Variants in PARM1 observed in about 807,000 individuals in gnomAD.
The protein encoded by PARM1 is prostate androgen-regulated mucin-like protein 1, also known as WSC4, cell wall integrity and stress response component 4 homolog.
Under a neutral mutation model 24.6 loss-of-function variants are expected in PARM1, and 14 were observed. The ratio of observed to expected loss-of-function variants is 0.57; its 90% CI spans 0.38 to 0.89. The LOEUF is 0.89. PARM1 is among the 40% of genes least tolerant of loss of function. The probability of loss-of-function intolerance (pLI) is 0.00; values close to 1 mark genes in which losing one functional copy is unlikely to be tolerated. For synonymous variants in PARM1, 179 were observed against 156.6 expected (o/e 1.14, Z -1.07); for missense variants, 362 against 380.4 (o/e 0.95, Z 0.40).
chr4:74,935,733 A>G (rs910427702), intron 1 of PARM1, among the ~76,000 whole-genome samples: 2 of 152,366 alleles, frequency 1.3e-5, no homozygotes, highest in East Asian at 3.9e-4. Flanking sequence ...CTCAAAGTAT[A>G]CATAGTATTT....
chr4:74,955,447 A>T (rs560101675), intron 1 of PARM1, among the ~76,000 whole-genome samples: 1 of 152,244 alleles, frequency 6.6e-6, no homozygotes, highest in Non-Finnish European at 1.5e-5. Flanking sequence ...AAAACACCTG[A>T]AATTGTATCA....
At chr4:75,009,855 G>C (rs1490336824) in intron 1 of PARM1, among the ~76,000 whole-genome samples, 1 of 152,166 alleles carries the variant, frequency 6.6e-6, no homozygotes, top group Non-Finnish European at 1.5e-5. Context: ...TCCAGTAGAA[G>C]AGACAATAAA....
At chr4:74,996,076 G>A (rs1471038917) in intron 1 of PARM1, among the ~76,000 whole-genome samples, 1 of 151,948 alleles carries the variant, frequency 6.6e-6, no homozygotes, top group African/African-American at 2.4e-5. Flanking sequence ...ATTCTTCCTG[G>A]ACTGACTCTT....
intron 3 of PARM1, among the ~76,000 whole-genome samples, chr4:75,045,682 T>C (rs1045192715): frequency 2.0e-5 from 3 of 152,164 alleles, no homozygotes; most frequent in African/African-American, 7.2e-5. Flanking sequence ...ATTTTGAGGA[T>C]CAAGTAAAAA....
chr4:75,032,461 C>CA (rs760354591), intron 2 of PARM1, among the ~76,000 whole-genome samples: 1 of 152,024 alleles, frequency 6.6e-6, no homozygotes, highest in South Asian at 2.1e-4. Flanking sequence ...TACCAGCAGA[C>CA]AAAAATAAAT....
rs148376145 is a variant in PARM1 at position 74,960,962 on chromosome 4, G to A, written c.43+27592G>A. 3.5e-3 allele frequency among the ~76,000 whole-genome samples: 531 copies of A among 150,372 alleles called. 5 individuals carry two copies. The highest frequency in any genetic ancestry group is 0.012 in the African/African-American group (507 of 40,878). On this transcript the variant is annotated intron_variant, in intron 1 of 3. Coordinates refer to ENST00000307428, the MANE Select transcript of PARM1 (RefSeq NM_015393.4). ...GGAGCTTGCAGTGAGCCAAGATTGC[G>A]CCACTGCACTCCAGCCTGGGTGACT...
At chr4:74,941,241 G>C (rs1721303574) in intron 1 of PARM1, among the ~76,000 whole-genome samples, 1 of 152,158 alleles carries the variant, frequency 6.6e-6, no homozygotes, top group African/African-American at 2.4e-5. Flanking sequence ...CCTTTTTGGA[G>C]ACCTATTCAG....
intron 1 of PARM1, among the ~76,000 whole-genome samples, chr4:74,961,780 G>A (rs981837830): frequency 6.6e-6 from 1 of 152,128 alleles, no homozygotes; most frequent in African/African-American, 2.4e-5. Flanking sequence ...ATCTGAGAAA[G>A]TATGTTACCA....
At chr4:75,042,826 T>C (rs575979166) in intron 3 of PARM1, among the ~76,000 whole-genome samples, 19 of 152,274 alleles carry the variant, frequency 1.2e-4, no homozygotes, top group Non-Finnish European at 2.1e-4. Context: ...TTAAGCTCGT[T>C]AATGTGGTAA....
At chr4:74,971,999 A>G (rs1000476288) in intron 1 of PARM1, among the ~76,000 whole-genome samples, 2 of 152,242 alleles carry the variant, frequency 1.3e-5, no homozygotes, top group East Asian at 1.9e-4. Flanking sequence ...TATTATTCAT[A>G]TGTAGCTCCT....
chr4:75,012,584 T>A lies in PARM1; in HGVS notation c.203T>A (p.Val68Asp). ...NGTHNNSVLP[V>D]TASAPTSLLP... ...ACTCACAACAACTCGGTGCTCCCAG[T>A]TACAGCATCAGCCCCAACATCTCTG... is the stretch of plus-strand genomic sequence containing the variant. The change falls in exon 2 of 4, where the codon GTT becomes GAT. Residue 68 changes from valine to aspartate, a missense_variant. Physicochemically the swap from Val to Asp is radical, Grantham distance 152. Transcript: ENST00000307428. The A allele has an allele frequency of 6.2e-7, 1 of 1,613,926 alleles. No homozygotes were observed. The highest frequency in any genetic ancestry group is 8.5e-7 in the Non-Finnish European group (1 of 1,179,864).
chr4:74,963,839 A>G (rs1039905494), intron 1 of PARM1, among the ~76,000 whole-genome samples: 5 of 152,222 alleles, frequency 3.3e-5, no homozygotes, highest in African/African-American at 1.2e-4. Context: ...AAAATTTACA[A>G]ATCTTTCTAC....
At chr4:74,978,497 C>T (rs1412584802) in intron 1 of PARM1, among the ~76,000 whole-genome samples, 1 of 152,050 alleles carries the variant, frequency 6.6e-6, no homozygotes, top group East Asian at 1.9e-4. Flanking sequence ...ATTTATACTC[C>T]CACACATAAT....
rs567883534 is a variant in PARM1, at chr4:75,049,317, A to G, written c.*3070A>G. 5.9e-5 allele frequency: 9 copies of G among 152,284 alleles called. No homozygotes were observed. The highest frequency in any genetic ancestry group is 2.2e-4 in the African/African-American group (9 of 41,546). The allele number at this position is 152,284 out of a possible 1,614,324, so 9.4% of individuals were successfully genotyped here. The stretch of plus-strand genomic sequence containing the variant: ...ATGTGTTGTGAGGATTAATAAAATT[A>G]TGTCTATGGTATTTTCAGTTTCTGG... On this transcript the variant is annotated 3_prime_UTR_variant, in exon 4 of 4. Transcript: ENST00000307428.
chr4:75,006,615 G>A (rs1722774387), intron 1 of PARM1, among the ~76,000 whole-genome samples: 2 of 152,102 alleles, frequency 1.3e-5, no homozygotes, highest in Admixed American at 6.5e-5. Context: ...ATGTGCATGT[G>A]TCTTTATAGC....
At chr4:74,962,935 G>T (rs763646872) in intron 1 of PARM1, among the ~76,000 whole-genome samples, 11 of 152,160 alleles carry the variant, frequency 7.2e-5, no homozygotes, top group Non-Finnish European at 1.2e-4. Context: ...ACATGTCAAG[G>T]CTGGGACAGG....
At chr4:74,995,392 C>G (rs1171727917) in intron 1 of PARM1, among the ~76,000 whole-genome samples, 1 of 152,144 alleles carries the variant, frequency 6.6e-6, no homozygotes, top group South Asian at 2.1e-4. Context: ...TACTAATTAA[C>G]ATTTATTGAG....
chr4:75,033,849 G>A (rs752288126), intron 2 of PARM1, 34 bp from the exon 3 acceptor site: 3 of 1,557,686 alleles, frequency 1.9e-6, no homozygotes, highest in East Asian at 2.3e-5. Flanking sequence ...GTATCCTCAT[G>A]TATCTTCTTT....
chr4:75,037,788 A>T (rs1227553152), intron 3 of PARM1, among the ~76,000 whole-genome samples: 1 of 152,184 alleles, frequency 6.6e-6, no homozygotes, highest in Non-Finnish European at 1.5e-5. Context: ...CTTGATCCTC[A>T]ATTTCTTCAA....
Sources: allele counts gnomAD v4.1 joint callset (sites outside exome capture counted in the v4.1 genomes callset), GRCh38; gene constraint gnomAD v4.1.1; transcripts MANE v1.5; gene names NCBI Gene and HGNC (gene_info 2026-07-23, HGNC 2026-07-21).